The following ANKRD55 variants were observed in gnomAD, a reference collection of about 807,000 sequenced individuals.
ANKRD55 encodes ankyrin repeat domain-containing protein 55.
ANKRD55 carries 41 observed loss-of-function variants against 60.6 expected under a neutral mutation model. The observed-to-expected ratio is 0.68, with a 90% CI of 0.53 to 0.88. The LOEUF (loss-of-function observed/expected upper bound fraction) is 0.88. Ranked by LOEUF, ANKRD55 falls within the 40% of genes least tolerant of loss-of-function variation. The pLI is 0.00. For missense variants in ANKRD55, 732 were observed against 767.6 expected, an observed-to-expected ratio of 0.95 and a Z score of 0.55; for synonymous variants, 264 against 290.3, an observed-to-expected ratio of 0.91 and a Z score of 0.92.
chr5:56,211,561 C>T (rs985213646), intron 2 of ANKRD55, among the ~76,000 whole-genome samples: 1 of 152,190 alleles, frequency 6.6e-6, no homozygotes, highest in Non-Finnish European at 1.5e-5. Flanking sequence ...CCTTGGATCC[C>T]GCCCTCTGAC....
chr5:56,179,668 A>G (rs1370263763), intron 3 of ANKRD55, among the ~76,000 whole-genome samples: 5 of 152,214 alleles, frequency 3.3e-5, no homozygotes, highest in Admixed American at 6.5e-5. Flanking sequence ...TCTGCACTAC[A>G]AGATAAGGAG....
At chr5:56,183,115 C>T (rs1581007063) in intron 3 of ANKRD55, among the ~76,000 whole-genome samples, 1 of 152,262 alleles carries the variant, frequency 6.6e-6, no homozygotes, top group East Asian at 1.9e-4. Context: ...CTTCCAGAGT[C>T]TTTTTATGTT....
intron 6 of ANKRD55, among the ~76,000 whole-genome samples, chr5:56,150,437 C>G (rs1022412318): frequency 1.9e-5 from 1 of 51,932 alleles, no homozygotes; most frequent in Non-Finnish European, 4.0e-5. Context: ...AACTCTGCCT[C>G]TACAGAAAAA....
In ANKRD55 at chr5:56,111,780, G is replaced by C. The variant is rs1204001840; in HGVS notation, c.968C>G (p.Thr323Arg). The change falls in exon 10 of 12, where the codon ACA becomes AGA. Residue 323 changes from threonine to arginine, a missense_variant and splice_region_variant. Physicochemically the swap from Thr to Arg is moderately conservative, Grantham distance 71. Transcript: ENST00000341048. ...GGAGGGAGGGGGTCGAGTAGGCTCT[G>C]TTCTATGCGAATATAAAAGAGCAGG... Reference protein sequence around the residue: ...CVKLLSQESRTEPTRPPPSQS... With the variant: ...CVKLLSQESRREPTRPPPSQS... 1 of 1,495,258 alleles carries C rather than the reference G, an allele frequency of 6.7e-7. No individual in the cohort carries two copies. The highest frequency in any genetic ancestry group is 8.9e-7 in the Non-Finnish European group (1 of 1,126,818). 92.6% of individuals were successfully genotyped at this position (1,495,258 alleles called of 1,614,324 possible).
chr5:56,162,132 T>C, intron 5 of ANKRD55: 3 of 654,260 alleles, frequency 4.6e-6, no homozygotes, highest in Non-Finnish European at 5.7e-6. Flanking sequence ...AGTGTGGTTA[T>C]CCTTGGTTAC....
intron 8 of ANKRD55, chr5:56,117,097 C>T (rs1230803093): frequency 5.0e-6 from 1 of 199,810 alleles, no homozygotes; most frequent in Non-Finnish European, 1.0e-5. Flanking sequence ...AAACTGCCTT[C>T]CGGAAGATTG....
chr5:56,190,754 A>G (rs976627085), intron 2 of ANKRD55, among the ~76,000 whole-genome samples: 8 of 152,202 alleles, frequency 5.3e-5, no homozygotes, highest in Admixed American at 1.3e-4. Context: ...AGCATCTGAG[A>G]CAGAAGAGGA....
At chr5:56,132,465 C>T (rs752740638) in intron 7 of ANKRD55, among the ~76,000 whole-genome samples, 8 of 149,638 alleles carry the variant, frequency 5.3e-5, no homozygotes, top group Non-Finnish European at 1.0e-4. Flanking sequence ...GTGGCGGGCG[C>T]CTGTAGTCCC....
chr5:56,118,452 C>T (rs985491138), intron 8 of ANKRD55, among the ~76,000 whole-genome samples: 27 of 152,000 alleles, frequency 1.8e-4, no homozygotes, highest in Admixed American at 1.3e-3. Flanking sequence ...GATGAAACCC[C>T]GTGTCTACTA....
chr5:56,176,305 C>G lies in ANKRD55; in HGVS notation c.182-23G>C, dbSNP rs769604870. On this transcript the variant is annotated intron_variant, in intron 3 of 11. Transcript: ENST00000341048. ...ATCCTGGAATGAGACATTTCAACAGCCTTTAAACATGTGTGACCCATGAAA... is the reference window on the plus strand; with the variant it reads ...ATCCTGGAATGAGACATTTCAACAGGCTTTAAACATGTGTGACCCATGAAA... 5.6e-6 allele frequency: 9 copies of G among 1,613,920 alleles called. No individual in the cohort carries two copies. In the Admixed American group the frequency reaches 1.5e-4, roughly 27 times the overall value.
At chr5:56,170,899 G>T in intron 4 of ANKRD55, 96 bp from the exon 5 acceptor site, 2 of 1,115,218 alleles carry the variant, frequency 1.8e-6, no homozygotes, top group South Asian at 1.4e-5. Flanking sequence ...TCTCTGGTTT[G>T]GTTAAAAACA....
intron 2 of ANKRD55, among the ~76,000 whole-genome samples, chr5:56,186,356 T>C (rs988241148): frequency 2.0e-5 from 3 of 152,092 alleles, no homozygotes; most frequent in Admixed American, 6.6e-5. Flanking sequence ...TTTGTAGAGA[T>C]GGGGTTTTGC....
At chr5:56,145,711 T>G (rs1473416071) in intron 6 of ANKRD55, among the ~76,000 whole-genome samples, 5 of 152,228 alleles carry the variant, frequency 3.3e-5, no homozygotes, top group African/African-American at 1.2e-4. Context: ...TTAAGGTTTG[T>G]GGGACACTAG....
chr5:56,190,956 T>A (rs1759080482), intron 2 of ANKRD55, among the ~76,000 whole-genome samples: 1 of 152,346 alleles, frequency 6.6e-6, no homozygotes, highest in East Asian at 1.9e-4. Context: ...AACATTCAAG[T>A]CATAGCAACT....
At position 56,143,927 on chromosome 5, in the gene ANKRD55, TC is replaced by T. The variant is rs761204172; in HGVS notation, c.485del (p.Gly162GlufsTer2). ...ISEINHQDNE[G>X]MTPLHWAAFH... ...AAGCCGCCCAGTGGAGTGGTGTCAT[TC>T]CCTGCAAAACAACAGTCAGAGAGGA... On this transcript the variant is annotated frameshift_variant and splice_region_variant, in exon 7 of 12. Coordinates refer to ENST00000341048, the MANE Select transcript of ANKRD55 (RefSeq NM_024669.3). LOFTEE classifies it high-confidence loss of function. 2.5e-6 allele frequency: 4 copies of T among 1,613,884 alleles called. No homozygotes were observed. Among genetic ancestry groups the T allele is most frequent in the Non-Finnish European group, 3.4e-6 (4 of 1,180,028 alleles).
At chr5:56,120,384 C>T (rs992767173) in intron 8 of ANKRD55, among the ~76,000 whole-genome samples, 2 of 152,182 alleles carry the variant, frequency 1.3e-5, no homozygotes, top group Admixed American at 6.5e-5. Flanking sequence ...GATCTCTATA[C>T]ATATTTTCTA....
intron 2 of ANKRD55, among the ~76,000 whole-genome samples, chr5:56,191,819 T>C (rs969861626): frequency 5.3e-5 from 8 of 152,206 alleles, no homozygotes; most frequent in Admixed American, 2.0e-4. Context: ...AACAAGGAAA[T>C]AGGAAATGAA....
chr5:56,123,342 G>A (rs907169319), intron 8 of ANKRD55, among the ~76,000 whole-genome samples: 10 of 152,180 alleles, frequency 6.6e-5, no homozygotes, highest in African/African-American at 1.7e-4. Context: ...ATATTGTGTG[G>A]CCCCAGAATT....
chr5:56,166,086 T>TTTTCTTTCTTTCTTTCTTTCTTTCTTTC (rs754266953), intron 5 of ANKRD55, among the ~76,000 whole-genome samples: 13 of 91,768 alleles, frequency 1.4e-4, no homozygotes, highest in Non-Finnish European at 2.5e-4. Flanking sequence ...TTTCTTTTCT[T>TTTTCTTTCTTTCTTTCTTTCTTTCTTTC]TTTCTTTCTT....
Sources: gnomAD v4.1 joint callset for allele counts (sites outside exome capture counted in the v4.1 genomes callset) on GRCh38, gnomAD v4.1.1 for gene constraint, MANE v1.5 for transcripts, NCBI Gene and HGNC (gene_info 2026-07-23, HGNC 2026-07-21) for gene names.